The following MAF variants were observed in gnomAD, a reference collection of about 807,000 sequenced individuals.
MAF encodes the protein MAF bZIP transcription factor.
In MAF, 10 loss-of-function variants were observed where a neutral mutation model predicts 22.0. That is an observed-to-expected ratio of 0.45 (90% CI 0.28 to 0.77). The LOEUF is 0.77. Among genes scored for constraint, MAF ranks in the 30% least tolerant of loss-of-function variants. The pLI is 0.12. For missense variants in MAF, 544 were observed against 548.4 expected (o/e 0.99, Z 0.08); for synonymous variants, 337 against 255.8 (o/e 1.32, Z -3.03).
chr16:79,389,446 C>A, the MAF span, among the ~76,000 whole-genome samples: 1 of 151,996 alleles, frequency 6.6e-6, no homozygotes, highest in South Asian at 2.1e-4. Context: ...TTAGTAGAGA[C>A]AGGGTTTCAC....
At chr16:79,338,284 T>C in the MAF span, among the ~76,000 whole-genome samples, 3 of 152,166 alleles carry the variant, frequency 2.0e-5, no homozygotes, top group African/African-American at 7.2e-5. Flanking sequence ...GGGAGGCATT[T>C]AGGGGCTAAA....
At chr16:79,494,287 T>C in the MAF span, among the ~76,000 whole-genome samples, 1 of 152,144 alleles carries the variant, frequency 6.6e-6, no homozygotes, top group Non-Finnish European at 1.5e-5. Flanking sequence ...AAATTGGGTT[T>C]GCCCATTCAC....
the MAF span, among the ~76,000 whole-genome samples, chr16:79,385,521 G>A: frequency 2.0e-5 from 3 of 152,236 alleles, no homozygotes; most frequent in Admixed American, 6.5e-5. Flanking sequence ...ACGTACGCAA[G>A]CATGCGTCTA....
At chr16:79,252,811 G>A in the MAF span, among the ~76,000 whole-genome samples, 1 of 152,036 alleles carries the variant, frequency 6.6e-6, no homozygotes, top group Admixed American at 6.6e-5. Context: ...TTTTGCCCCT[G>A]TGAGTTACTA....
chr16:79,446,413 C>T, the MAF span, among the ~76,000 whole-genome samples: 113 of 152,158 alleles, frequency 7.4e-4, no homozygotes, highest in Non-Finnish European at 1.2e-3. Flanking sequence ...CCCCAGGTTA[C>T]ACCTGTTGTC....
At chr16:79,211,859 A>G in the MAF span, 2 of 1,603,902 alleles carry the variant, frequency 1.2e-6, no homozygotes, top group African/African-American at 1.3e-5. Flanking sequence ...CGCAAGTGCC[A>G]GGGCTGGGCC....
At chr16:79,212,018 CTT>C in the MAF span, 1 of 1,536,254 alleles carries the variant, frequency 6.5e-7, no homozygotes, top group East Asian at 2.4e-5. Flanking sequence ...GCATAGGTCT[CTT>C]TGCTTTCTGG....
chr16:79,346,382 C>T, the MAF span, among the ~76,000 whole-genome samples: 2 of 151,996 alleles, frequency 1.3e-5, no homozygotes, highest in African/African-American at 4.8e-5. Context: ...TTTCTCACCT[C>T]AATTTGTTCT....
At chr16:79,364,537 G>T in the MAF span, among the ~76,000 whole-genome samples, 1 of 152,180 alleles carries the variant, frequency 6.6e-6, no homozygotes, top group Non-Finnish European at 1.5e-5. Context: ...ATCCACTGGG[G>T]ACAGGAAGTC....
chr16:79,349,674 G>C, the MAF span, among the ~76,000 whole-genome samples: 3 of 152,144 alleles, frequency 2.0e-5, no homozygotes, highest in African/African-American at 4.8e-5. Context: ...GCTGGGACTA[G>C]GGGGGCATTT....
the MAF span, among the ~76,000 whole-genome samples, chr16:79,467,262 C>A: frequency 6.6e-6 from 1 of 152,130 alleles, no homozygotes; most frequent in Non-Finnish European, 1.5e-5. Context: ...AAATAAAACA[C>A]CCCTATTACA....
the MAF span, among the ~76,000 whole-genome samples, chr16:79,400,199 T>A: frequency 6.6e-6 from 1 of 152,160 alleles, no homozygotes; most frequent in African/African-American, 2.4e-5. Flanking sequence ...CCACAAAGAA[T>A]GAATTGTCCC....
At chr16:79,282,370 TC>T in the MAF span, among the ~76,000 whole-genome samples, 1 of 152,150 alleles carries the variant, frequency 6.6e-6, no homozygotes, top group Non-Finnish European at 1.5e-5. Context: ...AACTTTGTGA[TC>T]ATAAAAACAG....
chr16:79,579,126 C>T, the MAF span, among the ~76,000 whole-genome samples: 1,614 of 152,244 alleles, frequency 0.011, 36 homozygotes, highest in African/African-American at 0.037. Context: ...AGCTAAGGAG[C>T]CCTATAGCTT....
At chr16:79,403,971 T>A in the MAF span, among the ~76,000 whole-genome samples, 107 of 152,188 alleles carry the variant, frequency 7.0e-4, no homozygotes, top group Admixed American at 2.0e-3. Context: ...AGGAGGGAAG[T>A]AATAAAACAA....
chr16:79,474,260 T>C, the MAF span, among the ~76,000 whole-genome samples: 2 of 152,206 alleles, frequency 1.3e-5, no homozygotes, highest in African/African-American at 4.8e-5. Context: ...TTAACGCATT[T>C]TGTATTCGCC....
chr16:79,596,243 A>G, intron 1 of MAF: 3 of 1,060,116 alleles, frequency 2.8e-6, no homozygotes, highest in South Asian at 9.1e-5. Flanking sequence ...ACTCATTTGA[A>G]AACTGAAAAC....
At chr16:79,263,089 C>G in the MAF span, among the ~76,000 whole-genome samples, 1 of 152,186 alleles carries the variant, frequency 6.6e-6, no homozygotes, top group African/African-American at 2.4e-5. Flanking sequence ...GTCATCAACA[C>G]TCTTTTACCA....
chr16:79,587,888 C>G (rs1488583381), intron 1 of MAF, among the ~76,000 whole-genome samples: 2 of 146,080 alleles, frequency 1.4e-5, no homozygotes, highest in South Asian at 4.4e-4. Context: ...GGGGTAGATA[C>G]TATTTGCACA....
Sources: gnomAD v4.1 joint callset for allele counts (sites outside exome capture counted in the v4.1 genomes callset) on GRCh38, gnomAD v4.1.1 for gene constraint, MANE v1.5 for transcripts, NCBI Gene and HGNC (gene_info 2026-07-23, HGNC 2026-07-21) for gene names.